WNT11: variants seen among roughly 807,000 people sequenced by gnomAD.
WNT11 encodes protein Wnt-11.
Under a neutral mutation model 35.6 loss-of-function variants are expected in WNT11, and 20 were observed. That is an observed-to-expected ratio of 0.56 (90% confidence interval 0.40 to 0.82). WNT11 has a LOEUF of 0.82. WNT11 is among the 40% of genes least tolerant of loss of function. The pLI is 0.00. For synonymous variants in WNT11, 200 were observed against 211.9 expected, an observed-to-expected ratio of 0.94 and a Z score of 0.49; for missense variants, 459 against 504.4, an observed-to-expected ratio of 0.91 and a Z score of 0.86.
chr11:76,192,805 C>T lies in WNT11; in HGVS notation c.598-949G>A, dbSNP rs559137882. On this transcript the variant is annotated intron_variant, in intron 3 of 4. Transcript: ENST00000322563. ...GCCTTCTACGGGCCTTCCAGTTCTG[C>T]CTTTTAAACCCTTCTTTCAACACAA... 2.6e-4 allele frequency among the ~76,000 whole-genome samples: 39 copies of T among 152,322 alleles called. No homozygotes were observed. The South Asian group carries it at 8.1e-3, about 32-fold the overall frequency.
chr11:76,196,057 G>T (rs1196877118), intron 2 of WNT11, among the ~76,000 whole-genome samples: 3 of 152,200 alleles, frequency 2.0e-5, no homozygotes, highest in Non-Finnish European at 4.4e-5. Flanking sequence ...TCTGCAGTCT[G>T]GTTCAGTGTT....
chr11:76,200,119 G>A (rs1953351813), intron 1 of WNT11, among the ~76,000 whole-genome samples: 1 of 145,878 alleles, frequency 6.9e-6, no homozygotes, highest in Non-Finnish European at 1.5e-5. Flanking sequence ...GACCCAGAAA[G>A]CAGGGCCTGG....
intron 2 of WNT11, among the ~76,000 whole-genome samples, chr11:76,195,921 TTCTG>T (rs551405117): frequency 2.8e-4 from 42 of 152,298 alleles, no homozygotes; most frequent in South Asian, 1.0e-3. Context: ...ACTGGGGCGC[TTCTG>T]TCTGTCAAAA....
chr11:76,204,920 A>G (rs956085351), intron 1 of WNT11, among the ~76,000 whole-genome samples: 1 of 151,804 alleles, frequency 6.6e-6, no homozygotes, highest in Non-Finnish European at 1.5e-5. Flanking sequence ...CCTTCCCTGG[A>G]CCTTAGTATC....
chr11:76,186,510 T>C lies in WNT11; in HGVS notation c.*555A>G, dbSNP rs1953095124. The C allele has an allele frequency of 6.6e-6, 1 of 150,472 alleles. No homozygotes were observed. Among genetic ancestry groups the C allele is most frequent in the Admixed American group, 6.6e-5 (1 of 15,078 alleles). The allele number at this position is 150,472 out of a possible 1,614,324, so 9.3% of individuals were successfully genotyped here. A position where few individuals can be genotyped will look rare whatever the true frequency, so the allele number is the denominator to read the frequency against. On this transcript the variant is annotated 3_prime_UTR_variant, in exon 5 of 5. Transcript: ENST00000322563. Reference sequence around the variant, plus strand: ...TATATATTTATATATATAAAATATATAAAGAGGAATTGAGAAGTGCCACCC... The same window carrying C: ...TATATATTTATATATATAAAATATACAAAGAGGAATTGAGAAGTGCCACCC...
intron 1 of WNT11, among the ~76,000 whole-genome samples, chr11:76,199,003 G>C (rs937929170): frequency 2.0e-5 from 3 of 152,134 alleles, no homozygotes; most frequent in African/African-American, 7.2e-5. Flanking sequence ...AGGCATGGTG[G>C]CGCATGCCTG....
In WNT11 at chr11:76,187,039, T is replaced by C. The variant is rs1346852767; in HGVS notation, c.*26A>G. ...GAGGGTCCTTGAGCAGAGTCCTCGC[T>C]CCTGCGTGGGGCGGAGGGCAGGGCC... On this transcript the variant is annotated 3_prime_UTR_variant, in exon 5 of 5. Coordinates refer to ENST00000322563, the MANE Select transcript of WNT11 (RefSeq NM_004626.3). 25 of 1,606,322 alleles carry C rather than the reference T, an allele frequency of 1.6e-5. No individual in the cohort carries two copies. Among genetic ancestry groups the C allele is most frequent in the Non-Finnish European group, 2.1e-5 (25 of 1,179,772 alleles).
chr11:76,191,675 G>T lies in WNT11; in HGVS notation c.779C>A (p.Pro260His), dbSNP rs775055023. The change falls in exon 4 of 5, where the codon CCC becomes CAC. Residue 260 changes from proline to histidine, a missense_variant. By Grantham distance (77) the Pro-to-His change is moderately conservative. Coordinates refer to ENST00000322563, the MANE Select transcript of WNT11 (RefSeq NM_004626.3). ...RPMGTRKHLV[P>H]KDLDIRPVKD... The stretch of plus-strand genomic sequence containing the variant: ...CACAGGCCGGATATCCAGGTCCTTG[G>T]GCACCAGGTGCTTGCGGGTGCCCAT... The T allele has an allele frequency of 2.5e-6, 4 of 1,613,918 alleles. No homozygotes were observed. Among genetic ancestry groups the T allele is most frequent in the Non-Finnish European group, 3.4e-6 (4 of 1,180,050 alleles).
chr11:76,191,818 A>G lies in WNT11; in HGVS notation c.636T>C (p.His212=). 6.2e-7 allele frequency: 1 copy of G among 1,607,748 alleles called. No homozygotes were observed. Among genetic ancestry groups the G allele is most frequent in the Non-Finnish European group, 8.5e-7 (1 of 1,179,914 alleles). The change falls in exon 4 of 5, where the codon CAT becomes CAC. Residue 212 remains histidine (H), a synonymous_variant. Transcript: ENST00000322563. Reference sequence around the variant, plus strand: ...GGATGGAGCAGGAGCCAGACACCCCATGGCACTTACACTTCATTTCCAGAG... The same window carrying G: ...GGATGGAGCAGGAGCCAGACACCCCGTGGCACTTACACTTCATTTCCAGAG... The part of the protein sequence containing the change: ...RASLEMKCKC[H]GVSGSCSIRT...
intron 2 of WNT11, 165 bp from the exon 3 acceptor site, chr11:76,195,009 T>C: frequency 1.2e-6 from 1 of 857,050 alleles, no homozygotes; most frequent in Non-Finnish European, 1.7e-6. Flanking sequence ...CAATTCCTTC[T>C]GAATATACCA....
At chr11:76,197,498 A>T (rs923679818) in intron 1 of WNT11, among the ~76,000 whole-genome samples, 7 of 152,214 alleles carry the variant, frequency 4.6e-5, no homozygotes, top group African/African-American at 1.4e-4. Context: ...TGTGGGGAAC[A>T]CGATGTACTA....
At position 76,187,182 on chromosome 11, in the gene WNT11, A is replaced by G; in HGVS notation, c.948T>C (p.Arg316=). ...CGCGGTCTGTGTAGGGGTTGTAGCC[A>G]CGCCCGCAGCACATAAGGTCGCAGC... ...SDSCDLMCCG[R]GYNPYTDRVV... is the part of the protein sequence containing the mutation. The change falls in exon 5 of 5, where the codon CGT becomes CGC. Residue 316 remains arginine (R), a synonymous_variant. Coordinates refer to ENST00000322563, the MANE Select transcript of WNT11 (RefSeq NM_004626.3). 1.2e-6 allele frequency: 2 copies of G among 1,610,366 alleles called. No homozygotes were observed. The highest frequency in any genetic ancestry group is 1.7e-6 in the Non-Finnish European group (2 of 1,180,006).
Position 76,194,583 on chromosome 11 carries a change from C to A in WNT11, c.581G>T (p.Ser194Ile). The A allele has an allele frequency of 6.5e-7, 1 of 1,549,446 alleles. No individual in the cohort carries two copies. The highest frequency in any genetic ancestry group is 8.7e-7 in the Non-Finnish European group (1 of 1,146,374). Residue 194 changes from serine to isoleucine, a missense_variant, in exon 3 of 5, where the codon AGT becomes ATT. Physicochemically the swap from Ser to Ile is moderately radical, Grantham distance 142 (BLOSUM62 -2). Transcript: ENST00000322563. This position sits in a 1 kb window ranked among gnomAD's most constrained non-coding sequence, Gnocchi z 5.4. ...QANKLMRLHNSEVGRQALRAS... is the reference protein window; with the variant it reads ...QANKLMRLHNIEVGRQALRAS... ...GGTGGTTACCTGTCTCCCCACTTCA[C>A]TGTTGTGTAGACGCATCAGTTTATT...
intron 1 of WNT11, 72 bp downstream of exon 1, chr11:76,206,253 C>A: frequency 7.5e-7 from 1 of 1,325,450 alleles, no homozygotes; most frequent in East Asian, 3.1e-5. Flanking sequence ...TCGCCCCATC[C>A]AGGGGACCCC....
chr11:76,206,298 G>A, intron 1 of WNT11, 27 bp downstream of exon 1: 2 of 1,507,428 alleles, frequency 1.3e-6, no homozygotes, highest in Non-Finnish European at 1.8e-6. Context: ...CCTGGCCTGT[G>A]CGCGTGGACG....
rs556467616 is a variant in WNT11, at chr11:76,200,922, G to A, written c.84-4204C>T. 1.2e-4 allele frequency among the ~76,000 whole-genome samples: 19 copies of A among 152,348 alleles called. No individual in the cohort carries two copies. The South Asian group carries it at 1.5e-3, about 12-fold the overall frequency. On this transcript the variant is annotated intron_variant, in intron 1 of 4. Transcript: ENST00000322563. Reference sequence around the variant, plus strand: ...CCTCCTGTGTCTTTCCCTGGGCTCCGGCTCAAGCCACGGGGTGGGACGATG... The same window carrying A: ...CCTCCTGTGTCTTTCCCTGGGCTCCAGCTCAAGCCACGGGGTGGGACGATG...
upstream of WNT11, among the ~76,000 whole-genome samples, chr11:76,209,406 G>C (rs1383842441): frequency 1.3e-5 from 2 of 151,046 alleles, no homozygotes; most frequent in Admixed American, 1.3e-4. Flanking sequence ...GGCCCGGCGA[G>C]GACTTGCGGG....
intron 1 of WNT11, among the ~76,000 whole-genome samples, chr11:76,199,609 T>C (rs1202622345): frequency 6.6e-6 from 1 of 151,864 alleles, no homozygotes; most frequent in East Asian, 1.9e-4. Context: ...TCAAGACCAT[T>C]CTGGCCAATA....
intron 1 of WNT11, among the ~76,000 whole-genome samples, chr11:76,197,340 A>G (rs911100736): frequency 1.3e-5 from 2 of 152,238 alleles, no homozygotes; most frequent in African/African-American, 4.8e-5. Context: ...TGGAACTTGA[A>G]AAATTTAGTA....
Sources: allele counts gnomAD v4.1 joint callset (sites outside exome capture counted in the v4.1 genomes callset), GRCh38; gene constraint gnomAD v4.1.1; non-coding constraint Gnocchi (gnomAD v3.1); transcripts MANE v1.5; gene names NCBI Gene and HGNC (gene_info 2026-07-23, HGNC 2026-07-21).